The following LCP2 variants were observed in gnomAD, a reference collection of about 807,000 sequenced individuals.
The protein encoded by LCP2 is 76 kDa tyrosine phosphoprotein.
In LCP2, 29 loss-of-function variants were observed where a neutral mutation model predicts 74.5. That is an observed-to-expected ratio of 0.39 (90% CI 0.29 to 0.53). The LOEUF (loss-of-function observed/expected upper bound fraction) is 0.53. LCP2 is among the 20% of genes least tolerant of loss of function. The pLI, the probability that LCP2 is intolerant of heterozygous loss-of-function variation, is 0.72. For missense variants in LCP2, 604 were observed against 634.6 expected (o/e 0.95, Z 0.52); for synonymous variants, 228 against 229.5 (o/e 0.99, Z 0.06).
In LCP2 at chr5:170,281,471, A is replaced by G. The variant is rs570928584; in HGVS notation, c.189-5611T>C. Reference sequence around the variant, plus strand: ...ATTGTTTTGTATTTTTAGTAGAAACAGCGTTTCACTGTGTTAGCCAGGATG... The same window carrying G: ...ATTGTTTTGTATTTTTAGTAGAAACGGCGTTTCACTGTGTTAGCCAGGATG... On this transcript the variant is annotated intron_variant, in intron 3 of 20. Transcript: ENST00000046794. 2.1e-4 allele frequency among the ~76,000 whole-genome samples: 32 copies of G among 152,272 alleles called. No homozygotes were observed. In the East Asian group the frequency reaches 2.3e-3, roughly 11 times the overall value.
chr5:170,281,166 A>C (rs896171064), intron 3 of LCP2, among the ~76,000 whole-genome samples: 4 of 152,172 alleles, frequency 2.6e-5, no homozygotes, highest in Non-Finnish European at 5.9e-5. Context: ...TTCCTGTGGC[A>C]GGGCCCTTGA....
chr5:170,293,457 C>T, intron 1 of LCP2, 85 bp from the exon 2 acceptor site: 1 of 1,337,672 alleles, frequency 7.5e-7, no homozygotes, highest in Non-Finnish European at 1.0e-6. Context: ...AGAAACTTAG[C>T]ACTTTGCGGT....
rs770054922 is a variant in LCP2, at chr5:170,256,636, A to T, written c.1101-61T>A. 9 of 1,239,040 alleles carry T rather than the reference A, an allele frequency of 7.3e-6. No homozygotes were observed. The highest frequency in any genetic ancestry group is 1.1e-5 in the Non-Finnish European group (9 of 839,302). 76.8% of individuals were successfully genotyped at this position (1,239,040 alleles called of 1,614,324 possible). On this transcript the variant is annotated intron_variant, in intron 16 of 20. Transcript: ENST00000046794. This position sits in a 1 kb window ranked among gnomAD's most constrained non-coding sequence, Gnocchi z 4.5. ...TTGGGGTGATGGGGCCAGACAGGGG[A>T]GCTGGGTTAGGGAAGCCAGGCTGCA...
intron 20 of LCP2, 49 bp downstream of exon 20, chr5:170,250,681 G>C: frequency 6.8e-7 from 1 of 1,467,472 alleles, no homozygotes; most frequent in Non-Finnish European, 9.6e-7. Flanking sequence ...GGCATGCAGA[G>C]TGGCATAAAT....
intron 1 of LCP2, among the ~76,000 whole-genome samples, chr5:170,295,409 G>A (rs1364890081): frequency 6.6e-6 from 1 of 152,186 alleles, no homozygotes. Context: ...CACATCATTT[G>A]CTTTAATCCT....
At chr5:170,285,031 G>A (rs180808311) in intron 3 of LCP2, among the ~76,000 whole-genome samples, 12 of 152,254 alleles carry the variant, frequency 7.9e-5, no homozygotes, top group South Asian at 4.2e-4. Context: ...GATTACAGGC[G>A]TGAGCCACTG....
At chr5:170,251,557 A>C (rs888908858) in intron 19 of LCP2, 3 of 446,666 alleles carry the variant, frequency 6.7e-6, no homozygotes, top group African/African-American at 4.0e-5. Flanking sequence ...GACTCCTTTA[A>C]ACTACTCCCT....
chr5:170,266,135 TA>T (rs796957922), intron 10 of LCP2, among the ~76,000 whole-genome samples: 11 of 152,288 alleles, frequency 7.2e-5, no homozygotes, highest in African/African-American at 2.6e-4. Context: ...AGTTGCTCAA[TA>T]AATGGTAGCT....
At chr5:170,277,102 G>A (rs1229265900) in intron 3 of LCP2, among the ~76,000 whole-genome samples, 2 of 144,730 alleles carry the variant, frequency 1.4e-5, no homozygotes, top group East Asian at 2.0e-4. Context: ...AAAAAAGGGA[G>A]TAGCTTGAAG....
chr5:170,256,557 C>G lies in LCP2; in HGVS notation c.1119G>C (p.Gln373His). 1 of 1,612,772 alleles carries G rather than the reference C, an allele frequency of 6.2e-7. No individual in the cohort carries two copies. The highest frequency in any genetic ancestry group is 8.5e-7 in the Non-Finnish European group (1 of 1,178,842). ...AFSESNSSFP[Q>H]SASLPPYFSQ... is the part of the protein sequence containing the mutation. Reference sequence around the variant, plus strand: ...AGAAGTATGGTGGCAGGGAGGCACTCTGTGGAAAACTGCTGTTACTGAGGA... The same window carrying G: ...AGAAGTATGGTGGCAGGGAGGCACTGTGTGGAAAACTGCTGTTACTGAGGA... The change falls in exon 17 of 21, where the codon CAG becomes CAC. Residue 373 changes from glutamine to histidine, a missense_variant. Transcript: ENST00000046794. This position sits in a 1 kb window ranked among gnomAD's most constrained non-coding sequence, Gnocchi z 4.5.
chr5:170,262,051 T>C (rs1343795581), intron 13 of LCP2, among the ~76,000 whole-genome samples: 3 of 152,178 alleles, frequency 2.0e-5, no homozygotes, highest in East Asian at 1.9e-4. Flanking sequence ...TGACCCCTGA[T>C]TCACAAATGA....
chr5:170,290,952 AAAAGAAAGAAAG>A (rs201112309), intron 2 of LCP2, among the ~76,000 whole-genome samples: 1,804 of 116,992 alleles, frequency 0.015, 18 homozygotes, highest in Admixed American at 0.02. Context: ...AGAAAGAAAG[AAAAGAAAGAAAG>A]AAAGAAAGAA....
chr5:170,288,010 T>A lies in LCP2; in HGVS notation c.148A>T (p.Thr50Ser). ...GGGAACTTCTGGATGTCATTTTCTG[T>A]CAGGTTCTGAAATGAAGACACATAT... ...HIDGARFLNL[T>S]ENDIQKFPKL... Residue 50 changes from threonine (T) to serine (S), a missense_variant, in exon 3 of 21, where the codon ACA becomes TCA. Physicochemically the swap from Thr to Ser is moderately conservative, Grantham distance 58. Coordinates refer to ENST00000046794, the MANE Select transcript of LCP2 (RefSeq NM_005565.5). 2 of 1,613,930 alleles carry A rather than the reference T, an allele frequency of 1.2e-6. No individual in the cohort carries two copies. Among genetic ancestry groups the A allele is most frequent in the Non-Finnish European group, 1.7e-6 (2 of 1,179,862 alleles).
At chr5:170,252,544 T>A (rs1761469280) in intron 18 of LCP2, 33 bp from the exon 19 acceptor site, 2 of 1,121,526 alleles carry the variant, frequency 1.8e-6, no homozygotes, top group Admixed American at 2.0e-5. Flanking sequence ...ACTGAATAAA[T>A]TTTACAGTTA....
In LCP2 at chr5:170,250,778, C is replaced by T; in HGVS notation, c.1431G>A (p.Gln477=). Residue 477 remains glutamine, a synonymous_variant, in exon 20 of 21, where the codon CAG becomes CAA. Transcript: ENST00000046794. ...DKVYNIQIRY[Q]KESQVYLLGT... is the part of the protein sequence containing the mutation. ...CCAACAAGTAAACTTGACTTTCCTT[C>T]TGATAACGGATCTGGATGTTGTAAA... 1 of 1,613,056 alleles carries T rather than the reference C, an allele frequency of 6.2e-7. No homozygotes were observed. The highest frequency in any genetic ancestry group is 8.5e-7 in the Non-Finnish European group (1 of 1,178,994).
At chr5:170,287,131 G>A (rs185024844) in intron 3 of LCP2, among the ~76,000 whole-genome samples, 2 of 152,318 alleles carry the variant, frequency 1.3e-5, no homozygotes, top group Admixed American at 1.3e-4. Context: ...TATCTGATTT[G>A]CCACAATCCC....
At chr5:170,277,992 T>G (rs1251479599) in intron 3 of LCP2, among the ~76,000 whole-genome samples, 1 of 151,674 alleles carries the variant, frequency 6.6e-6, no homozygotes, top group Admixed American at 6.6e-5. Flanking sequence ...GCCGTCAGAA[T>G]GCTTGTGACA....
At position 170,256,696 on chromosome 5, in the gene LCP2, C is replaced by T; in HGVS notation, c.1101-121G>A. The stretch of plus-strand genomic sequence containing the variant: ...TGATTTGGTATCACTTTCCCTGCTG[C>T]CCCCAAAACCATGGGGGCTGGGCAC... On this transcript the variant is annotated intron_variant, in intron 16 of 20. Transcript: ENST00000046794. The surrounding 1 kb of genome is among the most constrained non-coding windows in gnomAD (Gnocchi z 4.5). 1 of 724,850 alleles carries T rather than the reference C, an allele frequency of 1.4e-6. No homozygotes were observed. Among genetic ancestry groups the T allele is most frequent in the Non-Finnish European group, 2.5e-6 (1 of 399,536 alleles). The allele number at this position is 724,850 out of a possible 1,614,324, so 44.9% of individuals were successfully genotyped here.
intron 14 of LCP2, among the ~76,000 whole-genome samples, chr5:170,260,809 T>C (rs949465987): frequency 6.6e-6 from 1 of 152,252 alleles, no homozygotes; most frequent in African/African-American, 2.4e-5. Flanking sequence ...TCCCTTACTT[T>C]ATCCTCTTTT....
Sources: allele counts gnomAD v4.1 joint callset (sites outside exome capture counted in the v4.1 genomes callset), GRCh38; gene constraint gnomAD v4.1.1; non-coding constraint Gnocchi (gnomAD v3.1); transcripts MANE v1.5; gene names NCBI Gene and HGNC (gene_info 2026-07-23, HGNC 2026-07-21).